Variants in LDLRAD4 observed in about 807,000 individuals in gnomAD.
LDLRAD4 encodes the protein low density lipoprotein receptor class A domain containing 4.
In LDLRAD4, 5 loss-of-function variants were observed where a neutral mutation model predicts 17.0. That is an observed-to-expected ratio of 0.29 (90% CI 0.15 to 0.62). LDLRAD4 has a LOEUF of 0.62. LDLRAD4 is among the 20% of genes least tolerant of loss of function. The pLI is 0.84. For synonymous variants in LDLRAD4, 168 were observed against 171.8 expected (o/e 0.98, Z 0.17); for missense variants, 340 against 424.7 (o/e 0.80, Z 1.75).
chr18:13,283,350 C>T (rs1184058786), intron 1 of LDLRAD4, among the ~76,000 whole-genome samples: 1 of 152,214 alleles, frequency 6.6e-6, no homozygotes, highest in African/African-American at 2.4e-5. Flanking sequence ...CCTTATACAA[C>T]TGAATGCCTT....
chr18:13,548,881 T>C (rs1027280982), intron 3 of LDLRAD4, among the ~76,000 whole-genome samples: 2 of 152,274 alleles, frequency 1.3e-5, no homozygotes, highest in Middle Eastern at 3.2e-3. Flanking sequence ...ATTGCTGCCA[T>C]CATTTGTACC....
chr18:13,565,377 G>A (rs1270103600), intron 3 of LDLRAD4, among the ~76,000 whole-genome samples: 3 of 144,758 alleles, frequency 2.1e-5, no homozygotes, highest in Admixed American at 7.1e-5. Context: ...CGTTGCCAGC[G>A]CCAAGCTGGG....
chr18:13,470,333 C>T (rs62085735), intron 3 of LDLRAD4, among the ~76,000 whole-genome samples: 50,953 of 151,704 alleles, frequency 0.34, 10,130 homozygotes, highest in Non-Finnish European at 0.45. Flanking sequence ...GGTTGTGTTT[C>T]ATGAGGAAAT....
At chr18:13,425,098 T>C (rs1318694325) in intron 2 of LDLRAD4, among the ~76,000 whole-genome samples, 4 of 152,234 alleles carry the variant, frequency 2.6e-5, no homozygotes, top group African/African-American at 4.8e-5. Context: ...TAAACAATAC[T>C]GTGAACATTC....
intron 1 of LDLRAD4, among the ~76,000 whole-genome samples, chr18:13,259,593 ATATG>A (rs1272064211): frequency 6.6e-6 from 1 of 152,174 alleles, no homozygotes; most frequent in Non-Finnish European, 1.5e-5. Context: ...ATGCTCATAT[ATATG>A]TATGTAAAGC....
chr18:13,218,414 G>C (rs1387082082), upstream of LDLRAD4, among the ~76,000 whole-genome samples: 3 of 152,218 alleles, frequency 2.0e-5, no homozygotes, highest in African/African-American at 7.2e-5. Flanking sequence ...GGCGCAGGGT[G>C]TCCCGCGGTT....
chr18:13,620,528 C>T (rs1435444008), intron 3 of LDLRAD4, among the ~76,000 whole-genome samples: 1 of 152,222 alleles, frequency 6.6e-6, no homozygotes, highest in Non-Finnish European at 1.5e-5. Flanking sequence ...CAGCTGCCGG[C>T]CCAATGTGCT....
rs142259152 is a variant in LDLRAD4 at position 13,411,393 on chromosome 18, T to C, written c.40+23631T>C. On this transcript the variant is annotated intron_variant, in intron 2 of 5. Coordinates refer to ENST00000359446, the Ensembl canonical transcript of LDLRAD4. ...CAAAGCATTTGCTATTAGACTAATATGTTACTACTTCCAAGTATTTTACTT... is the reference window on the plus strand; with the variant it reads ...CAAAGCATTTGCTATTAGACTAATACGTTACTACTTCCAAGTATTTTACTT... 5.1e-4 allele frequency among the ~76,000 whole-genome samples: 78 copies of C among 152,344 alleles called. 1 individual carries two copies. Among genetic ancestry groups the C allele is most frequent in the African/African-American group, 1.8e-3 (76 of 41,592 alleles).
rs573359616 is a variant in LDLRAD4 at position 13,641,692 on chromosome 18, G to A, written c.337-1667G>A. ...GCGCGCCTCTGGCGGTTTCCTGTCC[G>A]GGCTGGCGGGGCCGCCAGTCGGCGT... is the stretch of plus-strand genomic sequence containing the variant. On this transcript the variant is annotated intron_variant, in intron 4 of 5. Coordinates refer to ENST00000359446, the Ensembl canonical transcript of LDLRAD4. 10 of 942,986 alleles carry A rather than the reference G, an allele frequency of 1.1e-5. No individual in the cohort carries two copies. The South Asian group carries it at 2.9e-4, about 28-fold the overall frequency. 58.4% of individuals were successfully genotyped at this position (942,986 alleles called of 1,614,324 possible). A position where few individuals can be genotyped will look rare whatever the true frequency, so the allele number is the denominator to read the frequency against.
chr18:13,226,180 C>CTGTTTTTTTTTTTTTTTTT (rs71370946), intron 1 of LDLRAD4, among the ~76,000 whole-genome samples: 1 of 52,188 alleles, frequency 1.9e-5, no homozygotes, highest in African/African-American at 7.8e-5. Flanking sequence ...CCATGCCTTG[C>CTGTTTTTTTTTTTTTTTTT]TTTTTTTTTT....
chr18:13,413,792 G>A (rs1432027797), intron 2 of LDLRAD4, among the ~76,000 whole-genome samples: 10 of 152,076 alleles, frequency 6.6e-5, no homozygotes, highest in African/African-American at 2.2e-4. Context: ...TGGGCTGGGC[G>A]GGGTGGCACA....
Position 13,511,733 on chromosome 18 carries a change from G to T in LDLRAD4, c.181+73349G>T, listed in dbSNP as rs116553049. 4.6e-3 allele frequency among the ~76,000 whole-genome samples: 694 copies of T among 152,308 alleles called. 7 individuals are homozygous for T. Among genetic ancestry groups the T allele is most frequent in the African/African-American group, 0.016 (663 of 41,574 alleles). The stretch of plus-strand genomic sequence containing the variant: ...TAGGAAAGGCGGGGACATGGGTACA[G>T]GTGCCGGAACAGCCCCAGCATTGGT... On this transcript the variant is annotated intron_variant, in intron 3 of 5. Coordinates refer to ENST00000359446, the Ensembl canonical transcript of LDLRAD4.
intron 1 of LDLRAD4, among the ~76,000 whole-genome samples, chr18:13,380,751 A>G (rs1171978543): frequency 6.6e-6 from 1 of 152,174 alleles, no homozygotes; most frequent in Non-Finnish European, 1.5e-5. Context: ...CTTTGAATCG[A>G]TGTTTTGGGT....
intron 1 of LDLRAD4, among the ~76,000 whole-genome samples, chr18:13,308,908 T>C (rs2047067754): frequency 6.6e-6 from 1 of 152,236 alleles, no homozygotes. Flanking sequence ...ATATTTTCTT[T>C]TGTGGCTTCT....
chr18:13,245,014 G>T (rs1366079409), intron 1 of LDLRAD4, among the ~76,000 whole-genome samples: 1 of 152,216 alleles, frequency 6.6e-6, no homozygotes, highest in East Asian at 1.9e-4. Context: ...TGCACATGAG[G>T]TTCCTGGGGA....
chr18:13,640,744 C>T (rs1238590172), intron 4 of LDLRAD4, among the ~76,000 whole-genome samples: 1 of 152,114 alleles, frequency 6.6e-6, no homozygotes, highest in African/African-American at 2.4e-5. Flanking sequence ...CCCTGCGTTA[C>T]CCTCTGCACC....
intron 1 of LDLRAD4, among the ~76,000 whole-genome samples, chr18:13,247,378 T>C (rs1249066701): frequency 6.6e-6 from 1 of 152,236 alleles, no homozygotes; most frequent in African/African-American, 2.4e-5. Flanking sequence ...AGAAAACTGC[T>C]AACGAAAACC....
intron 1 of LDLRAD4, chr18:13,240,626 T>C (rs912281956): frequency 6.6e-6 from 1 of 152,374 alleles, no homozygotes; most frequent in Admixed American, 6.5e-5. Flanking sequence ...ATGTGTGTGC[T>C]TGTGTGCATG....
intron 3 of LDLRAD4, among the ~76,000 whole-genome samples, chr18:13,550,287 T>G (rs2094418503): frequency 6.6e-6 from 1 of 152,146 alleles, no homozygotes. Flanking sequence ...GACACACACT[T>G]CACATGTAAT....
Sources: gnomAD v4.1 joint callset for allele counts (sites outside exome capture counted in the v4.1 genomes callset) on GRCh38, gnomAD v4.1.1 for gene constraint, MANE v1.5 for transcripts, NCBI Gene and HGNC (gene_info 2026-07-23, HGNC 2026-07-21) for gene names.